NLRP1: variants seen among roughly 807,000 people sequenced by gnomAD.
The protein encoded by NLRP1 is NLR family pyrin domain containing 1.
In NLRP1, 94 loss-of-function variants were observed where a neutral mutation model predicts 136.7. The observed-to-expected ratio is 0.69, with a 90% confidence interval of 0.58 to 0.82. The LOEUF is 0.82. NLRP1 is among the 40% of genes least tolerant of loss of function. The pLI, the probability that NLRP1 is intolerant of heterozygous loss-of-function variation, is 0.00. For missense variants in NLRP1, 1,575 were observed against 1,802.7 expected, an observed-to-expected ratio of 0.87 and a Z score of 2.29; for synonymous variants, 690 against 725.1, an observed-to-expected ratio of 0.95 and a Z score of 0.78.
At position 5,517,774 on chromosome 17, in the gene NLRP1, A is replaced by C. The variant is rs748646281; in HGVS notation, c.4029T>G (p.Thr1343=). ...RLQVKDKKDE[T]LVWEALVKPG... The stretch of plus-strand genomic sequence containing the variant: ...GTTTCACCAAGGCCTCCCACACCAG[A>C]GTCTCATCTTTCTTGTCTTTCACTT... The change falls in exon 15 of 17, where the codon ACT becomes ACG. Residue 1343 remains threonine (T), a synonymous_variant. Coordinates refer to ENST00000572272, the MANE Select transcript of NLRP1 (RefSeq NM_033004.4). 11 of 1,614,080 alleles carry C rather than the reference A, an allele frequency of 6.8e-6. No individual in the cohort carries two copies. Among genetic ancestry groups the C allele is most frequent in the Non-Finnish European group, 8.5e-6 (10 of 1,180,032 alleles).
chr17:5,543,486 T>G (rs1402257135), intron 5 of NLRP1, among the ~76,000 whole-genome samples: 1 of 152,120 alleles, frequency 6.6e-6, no homozygotes, highest in Admixed American at 6.6e-5. Flanking sequence ...GATGTCATTA[T>G]AAGATGTTTA....
intron 11 of NLRP1, among the ~76,000 whole-genome samples, chr17:5,531,733 T>C (rs1910296813): frequency 6.6e-6 from 1 of 152,122 alleles, no homozygotes; most frequent in Non-Finnish European, 1.5e-5. Context: ...TAAGAGATCA[T>C]GAGTATGACT....
At chr17:5,512,205 G>T, downstream of NLRP1, 1 of 1,266,632 alleles carries the variant, frequency 7.9e-7, no homozygotes, top group Non-Finnish European at 1.2e-6. Context: ...GTTCCACAGA[G>T]CCATGAAGTT....
chr17:5,530,109 C>T (rs1910052004), intron 12 of NLRP1: 2 of 460,300 alleles, frequency 4.3e-6, no homozygotes, highest in Non-Finnish European at 8.7e-6. Context: ...GTTGCCCCAA[C>T]ATTCTTCGTT....
intron 5 of NLRP1, among the ~76,000 whole-genome samples, chr17:5,551,863 G>T (rs994965033): frequency 2.6e-5 from 4 of 152,152 alleles, no homozygotes; most frequent in African/African-American, 9.7e-5. Flanking sequence ...TTGAACTCCT[G>T]GGCTCAAGTG....
At chr17:5,555,202 A>T (rs137874936) in intron 4 of NLRP1, among the ~76,000 whole-genome samples, 1 of 152,228 alleles carries the variant, frequency 6.6e-6, no homozygotes, top group Non-Finnish European at 1.5e-5. Context: ...TTAAAAATTT[A>T]TACTTGAAAA....
chr17:5,573,369 C>T (rs1904641078), intron 3 of NLRP1, among the ~76,000 whole-genome samples: 1 of 152,236 alleles, frequency 6.6e-6, no homozygotes, highest in South Asian at 2.1e-4. Context: ...CTGCCTGCCT[C>T]TGTAGACTCC....
chr17:5,555,017 T>TCACACACACACA (rs55705436), intron 4 of NLRP1, among the ~76,000 whole-genome samples: 294 of 142,432 alleles, frequency 2.1e-3, no homozygotes, highest in African/African-American at 7.1e-3. Context: ...TGAGATCCCA[T>TCACACACACACA]CACACACACA....
At chr17:5,523,861 A>G (rs1217435481) in intron 12 of NLRP1, among the ~76,000 whole-genome samples, 1 of 152,254 alleles carries the variant, frequency 6.6e-6, no homozygotes, top group African/African-American at 2.4e-5. Flanking sequence ...TCACAGTGGT[A>G]TCTATCATCT....
At chr17:5,550,681 G>A (rs928273862) in intron 5 of NLRP1, among the ~76,000 whole-genome samples, 1 of 151,896 alleles carries the variant, frequency 6.6e-6, no homozygotes, top group African/African-American at 2.4e-5. Flanking sequence ...TCTATTCTCT[G>A]TTTCATTTAT....
At chr17:5,533,015 A>G (rs1434022374) in intron 10 of NLRP1, 31 bp from the exon 11 acceptor site, 2 of 1,591,364 alleles carry the variant, frequency 1.3e-6, no homozygotes, top group Non-Finnish European at 1.7e-6. Context: ...TCAGCTCCAG[A>G]TTCTCCCGCC....
intron 12 of NLRP1, chr17:5,530,152 G>A: frequency 2.1e-6 from 1 of 465,950 alleles, no homozygotes; most frequent in Non-Finnish European, 4.2e-6. Flanking sequence ...AAATGGTCCT[G>A]TCTTTGAAAA....
intron 5 of NLRP1, among the ~76,000 whole-genome samples, chr17:5,552,084 C>CTTTTTT (rs71151872): frequency 4.1e-5 from 4 of 96,674 alleles, no homozygotes; most frequent in South Asian, 3.8e-4. Context: ...TCTATCTTTC[C>CTTTTTT]TTTTTTTTTT....
intron 3 of NLRP1, among the ~76,000 whole-genome samples, chr17:5,561,803 C>T (rs1027898302): frequency 6.6e-6 from 1 of 152,204 alleles, no homozygotes; most frequent in African/African-American, 2.4e-5. Context: ...GTTCAGGTTC[C>T]CCACTTGGAC....
chr17:5,538,746 T>A (rs1911430032), intron 7 of NLRP1, among the ~76,000 whole-genome samples: 3 of 152,164 alleles, frequency 2.0e-5, no homozygotes, highest in Non-Finnish European at 1.5e-5. Flanking sequence ...AATGAGTAAA[T>A]GAATGAATGA....
rs1201158868 is a variant in NLRP1, at chr17:5,541,392, G to A, written c.2699+465C>T. ...GGGATGGCTCTGTCCCCTCGGATGA[G>A]ATAGTAAATCGAACTAAGTGGACAC... On this transcript the variant is annotated intron_variant, in intron 6 of 16. Coordinates refer to ENST00000572272, the MANE Select transcript of NLRP1 (RefSeq NM_033004.4). This position sits in a 1 kb window ranked among gnomAD's most constrained non-coding sequence, Gnocchi z 4.2. 1.3e-5 allele frequency among the ~76,000 whole-genome samples: 2 copies of A among 152,198 alleles called. No individual in the cohort carries two copies. Among genetic ancestry groups the A allele is most frequent in the Non-Finnish European group, 2.9e-5 (2 of 68,034 alleles).
At chr17:5,571,235 A>C (rs1323918109) in intron 3 of NLRP1, among the ~76,000 whole-genome samples, 1 of 152,182 alleles carries the variant, frequency 6.6e-6, no homozygotes, top group East Asian at 1.9e-4. Flanking sequence ...TCTATTCAAC[A>C]TAGTACTAGA....
chr17:5,523,310 AACAAAAT>A (rs1909131672), intron 12 of NLRP1, among the ~76,000 whole-genome samples: 1 of 151,946 alleles, frequency 6.6e-6, no homozygotes, highest in African/African-American at 2.4e-5. Context: ...AAAAACAAAA[AACAAAAT>A]ACCAGAAAGA....
chr17:5,509,979 C>T (rs1907540626), downstream of NLRP1, among the ~76,000 whole-genome samples: 1 of 152,208 alleles, frequency 6.6e-6, no homozygotes, highest in African/African-American at 2.4e-5. Context: ...TTCTCATTCC[C>T]ATCATCTCCA....
Sources: allele counts gnomAD v4.1 joint callset (sites outside exome capture counted in the v4.1 genomes callset), GRCh38; gene constraint gnomAD v4.1.1; non-coding constraint Gnocchi (gnomAD v3.1); transcripts MANE v1.5; gene names NCBI Gene and HGNC (gene_info 2026-07-23, HGNC 2026-07-21).